The following PI4KA variants were observed in gnomAD, a reference collection of about 807,000 sequenced individuals.
The protein encoded by PI4KA is PI4-kinase alpha.
In PI4KA, 122 loss-of-function variants were observed where a neutral mutation model predicts 271.4. The observed-to-expected ratio is 0.45, with a 90% confidence interval of 0.39 to 0.52. The LOEUF is 0.52. Among genes scored for constraint, PI4KA ranks in the 20% least tolerant of loss-of-function variants. PI4KA has a pLI of 0.00. For missense variants in PI4KA, 1,969 were observed against 2,769.1 expected (o/e 0.71, Z 6.48); for synonymous variants, 1,041 against 1,078.8 (o/e 0.96, Z 0.69).
Position 20,729,497 on chromosome 22 carries a change from T to C in PI4KA, c.4498A>G (p.Ile1500Val). Reference sequence around the variant, plus strand: ...TTGTACCATGTGATGAGACGCTCGATCTCAGTGGCCTGGCAAGATAAGACA... The same window carrying C: ...TTGTACCATGTGATGAGACGCTCGACCTCAGTGGCCTGGCAAGATAAGACA... The part of the protein sequence containing the change: ...TLLLSLLATE[I>V]ERLITWYNPL... The change falls in exon 39 of 55, where the codon ATC becomes GTC. Residue 1500 changes from isoleucine (I) to valine (V), a missense_variant. Ile to Val is a conservative substitution (Grantham distance 29). Transcript: ENST00000255882. 6.3e-7 allele frequency: 1 copy of C among 1,595,620 alleles called. No homozygotes were observed. Among genetic ancestry groups the C allele is most frequent in the South Asian group, 1.1e-5 (1 of 88,746 alleles).
At chr22:20,738,164 C>T (rs1928961044) in intron 32 of PI4KA, among the ~76,000 whole-genome samples, 2 of 151,774 alleles carry the variant, frequency 1.3e-5, no homozygotes, top group South Asian at 2.1e-4. Flanking sequence ...CAGGTGGGCA[C>T]CTGGGCCCAC....
At chr22:20,838,127 A>G (rs1249770703) in intron 2 of PI4KA, among the ~76,000 whole-genome samples, 1 of 152,092 alleles carries the variant, frequency 6.6e-6, no homozygotes, top group East Asian at 1.9e-4. Flanking sequence ...TCTCAAAAAA[A>G]AAAAAAACAA....
chr22:20,727,504 G>C (rs1295449363), intron 40 of PI4KA, 107 bp from the exon 41 acceptor site: 6 of 1,084,108 alleles, frequency 5.5e-6, no homozygotes, highest in Non-Finnish European at 7.8e-6. Flanking sequence ...ATGTTTCTAA[G>C]CATCGGTAAC....
chr22:20,853,975 GAAA>G (rs361978), intron 1 of PI4KA, among the ~76,000 whole-genome samples: 2 of 145,240 alleles, frequency 1.4e-5, no homozygotes, highest in South Asian at 4.4e-4. Flanking sequence ...AAAGGAAAGA[GAAA>G]AAAAAAAAAG....
chr22:20,809,637 T>C (rs998498357), intron 9 of PI4KA, among the ~76,000 whole-genome samples: 1 of 152,040 alleles, frequency 6.6e-6, no homozygotes, highest in East Asian at 1.9e-4. Context: ...CAGTCACAAA[T>C]GATCAAACAC....
At chr22:20,732,393 C>T (rs1347982570) in intron 36 of PI4KA, among the ~76,000 whole-genome samples, 3 of 152,092 alleles carry the variant, frequency 2.0e-5, no homozygotes, top group African/African-American at 7.2e-5. Context: ...AGGTTTGCTG[C>T]TTCTTTGCGT....
intron 23 of PI4KA, among the ~76,000 whole-genome samples, chr22:20,755,264 C>G (rs1043545473): frequency 6.6e-6 from 1 of 152,210 alleles, no homozygotes; most frequent in Non-Finnish European, 1.5e-5. Context: ...ACTCGGAGCT[C>G]TTTCAGGTTG....
chr22:20,719,119 T>C (rs988353444), intron 43 of PI4KA, among the ~76,000 whole-genome samples: 3 of 152,034 alleles, frequency 2.0e-5, no homozygotes, highest in African/African-American at 7.3e-5. Flanking sequence ...GTGTCATTTA[T>C]GAATGTCACA....
intron 1 of PI4KA, among the ~76,000 whole-genome samples, chr22:20,846,735 C>G (rs758909503): frequency 3.4e-5 from 5 of 147,524 alleles, no homozygotes; most frequent in Non-Finnish European, 5.9e-5. Context: ...CCCAGCTAAT[C>G]AGGAGGCTGA....
chr22:20,817,242 T>C (rs1002248093), intron 7 of PI4KA, among the ~76,000 whole-genome samples: 11 of 152,098 alleles, frequency 7.2e-5, no homozygotes, highest in African/African-American at 2.2e-4. Context: ...TTTTAACAAA[T>C]AGCATTATTC....
In PI4KA at chr22:20,742,240, T is replaced by TGG; in HGVS notation, c.3728_3729insCC (p.Val1244GlnfsTer16). ...GTCAGGGTCCTACCGGCACTTCCACTCCATCCTTGCCAGCCAGCAGCCACT... is the reference window on the plus strand; with the variant it reads ...GTCAGGGTCCTACCGGCACTTCCACTGGCCATCCTTGCCAGCCAGCAGCCACT... On this transcript the variant is annotated frameshift_variant, in exon 32 of 55. Coordinates refer to ENST00000255882, the MANE Select transcript of PI4KA (RefSeq NM_058004.4). LOFTEE classifies it high-confidence loss of function. The TGG allele has an allele frequency of 6.2e-7, 1 of 1,614,012 alleles. No homozygotes were observed. The highest frequency in any genetic ancestry group is 8.5e-7 in the Non-Finnish European group (1 of 1,179,960).
rs1406584448 is a variant in PI4KA at position 20,717,748 on chromosome 22, C to G, written c.5277G>C (p.Lys1759Asn). The G allele has an allele frequency of 6.3e-7, 1 of 1,578,658 alleles. No individual in the cohort carries two copies. Among genetic ancestry groups the G allele is most frequent in the Non-Finnish European group, 8.6e-7 (1 of 1,160,590 alleles). The change falls in exon 45 of 55, where the codon AAG becomes AAC. Residue 1759 changes from lysine to asparagine, a missense_variant. Lys to Asn is a moderately conservative substitution (Grantham distance 94, BLOSUM62 0). This residue lies in a region of PI4KA where 388 missense variants were observed against 521.5 expected (regional missense o/e 0.74). Transcript: ENST00000255882. ...KPYPKGDERK[K>N]ACLSALSEVK... ...CTTCAGACAGGGCCGACAGACAAGCCTTCTTTCTCTCGTCGCCTTTAGGGT... is the reference window on the plus strand; with the variant it reads ...CTTCAGACAGGGCCGACAGACAAGCGTTCTTTCTCTCGTCGCCTTTAGGGT...
At chr22:20,820,317 G>A (rs1322620401) in intron 5 of PI4KA, among the ~76,000 whole-genome samples, 2 of 152,132 alleles carry the variant, frequency 1.3e-5, no homozygotes, top group Non-Finnish European at 2.9e-5. Flanking sequence ...GCCCAGAAGG[G>A]TGAAGTTACT....
At chr22:20,775,267 T>G (rs576197526) in intron 19 of PI4KA, among the ~76,000 whole-genome samples, 10 of 152,322 alleles carry the variant, frequency 6.6e-5, no homozygotes, top group Middle Eastern at 3.4e-3. Context: ...AACAGTAATC[T>G]GGATTTAATC....
intron 19 of PI4KA, chr22:20,779,792 T>G (rs1288895085): frequency 6.2e-7 from 1 of 1,614,118 alleles, no homozygotes; most frequent in Admixed American, 1.7e-5. Context: ...GCATTTCTAC[T>G]GCGATGGGTA....
intron 19 of PI4KA, among the ~76,000 whole-genome samples, chr22:20,770,863 T>C (rs1220871292): frequency 6.6e-6 from 1 of 152,142 alleles, no homozygotes; most frequent in East Asian, 1.9e-4. Flanking sequence ...GACCCCTCTG[T>C]ATATTTTTAG....
chr22:20,756,340 C>CCT (rs1224933222), intron 23 of PI4KA, among the ~76,000 whole-genome samples: 2 of 151,700 alleles, frequency 1.3e-5, no homozygotes, highest in Non-Finnish European at 2.9e-5. Context: ...CCTGTCTCAG[C>CCT]CTCCCGAGTA....
chr22:20,836,948 A>G (rs1193383000), intron 2 of PI4KA, among the ~76,000 whole-genome samples: 2 of 152,200 alleles, frequency 1.3e-5, no homozygotes, highest in Non-Finnish European at 2.9e-5. Context: ...TTTGCCAAAG[A>G]TATTATCAAG....
At chr22:20,811,240 G>A (rs904652738) in intron 8 of PI4KA, among the ~76,000 whole-genome samples, 1 of 152,140 alleles carries the variant, frequency 6.6e-6, no homozygotes, top group Admixed American at 6.5e-5. Context: ...TTCTACCTTA[G>A]ATAGCAATGA....
Sources: gnomAD v4.1 joint callset for allele counts (sites outside exome capture counted in the v4.1 genomes callset) on GRCh38, gnomAD v4.1.1 for gene constraint, gnomAD v4.1.1 regional missense constraint, MANE v1.5 for transcripts, NCBI Gene and HGNC (gene_info 2026-07-23, HGNC 2026-07-21) for gene names.